DENND1A: variants seen among roughly 807,000 people sequenced by gnomAD.
The protein encoded by DENND1A is DENN domain-containing protein 1A.
DENND1A carries 51 observed loss-of-function variants against 113.7 expected under a neutral mutation model. That is an observed-to-expected ratio of 0.45 (90% CI 0.36 to 0.57). The LOEUF is 0.57. Among genes scored for constraint, DENND1A ranks in the 20% least tolerant of loss-of-function variants. DENND1A has a pLI of 0.00. For missense variants in DENND1A, 1,258 were observed against 1,395.9 expected, an observed-to-expected ratio of 0.90 and a Z score of 1.57; for synonymous variants, 565 against 570.8, an observed-to-expected ratio of 0.99 and a Z score of 0.14.
intron 3 of DENND1A, among the ~76,000 whole-genome samples, chr9:123,785,242 G>A (rs1831952364): frequency 6.6e-6 from 1 of 152,086 alleles, no homozygotes; most frequent in Non-Finnish European, 1.5e-5. Flanking sequence ...AGCTACTCGG[G>A]AGGCTGAGGT....
At chr9:123,901,898 C>T (rs964497374) in intron 1 of DENND1A, among the ~76,000 whole-genome samples, 3 of 151,862 alleles carry the variant, frequency 2.0e-5, no homozygotes, top group African/African-American at 4.8e-5. Flanking sequence ...CCCAGCTACT[C>T]GAGAGGCTGA....
At chr9:123,423,721 C>T (rs1176565692) in intron 19 of DENND1A, among the ~76,000 whole-genome samples, 1 of 152,168 alleles carries the variant, frequency 6.6e-6, no homozygotes, top group Non-Finnish European at 1.5e-5. Context: ...TACAGTACTT[C>T]TATTTCCATA....
chr9:123,665,492 G>A (rs1405746266), intron 8 of DENND1A, among the ~76,000 whole-genome samples: 1 of 152,110 alleles, frequency 6.6e-6, no homozygotes, highest in African/African-American at 2.4e-5. Flanking sequence ...ATACTACATG[G>A]ATATGCTTGA....
At chr9:123,879,490 G>A (rs141913376) in intron 1 of DENND1A, among the ~76,000 whole-genome samples, 115 of 152,196 alleles carry the variant, frequency 7.6e-4, no homozygotes, top group Admixed American at 1.3e-3. Context: ...CTAAGATCAC[G>A]CTACTGCACT....
intron 10 of DENND1A, among the ~76,000 whole-genome samples, chr9:123,610,857 A>G (rs2060386709): frequency 6.6e-6 from 1 of 152,240 alleles, no homozygotes; most frequent in South Asian, 2.1e-4. Flanking sequence ...CCTGAAAGCA[A>G]TGGATAGGCA....
rs1288507674 is a variant in DENND1A, at chr9:123,711,481, T to TTA, written c.303-34693_303-34692insTA. Among the ~76,000 whole-genome samples the TTA allele has an allele frequency of 1.5e-3, 137 of 89,002 alleles. 2 individuals carry two copies. The highest frequency in any genetic ancestry group is 0.013 in the East Asian group (48 of 3,686). 58.4% of individuals were successfully genotyped at this position (89,002 alleles called of 152,430 possible). ...GCTCCATCTCAAAATAATAATAAAT[T>TTA]AAAAAATATATATATATATATATGT... On this transcript the variant is annotated intron_variant, in intron 5 of 23. Coordinates refer to ENST00000394215, the MANE Select transcript of DENND1A (RefSeq NM_001352964.2).
rs2061285648 is a variant in DENND1A, at chr9:123,627,578, A to C, written c.719+2798T>G. ...AACAAGGGAAACTCCGTCTCTACTA[A>C]AATTACAAATAATTAGCCGAGTGTG... On this transcript the variant is annotated intron_variant, in intron 10 of 23. Coordinates refer to ENST00000394215, the MANE Select transcript of DENND1A (RefSeq NM_001352964.2). Among the ~76,000 whole-genome samples, 7 of 152,100 alleles carry C rather than the reference A, an allele frequency of 4.6e-5. 1 individual carries two copies. The South Asian group carries it at 1.2e-3, about 27-fold the overall frequency.
At chr9:123,588,799 C>T (rs1024297796) in intron 11 of DENND1A, among the ~76,000 whole-genome samples, 3 of 147,634 alleles carry the variant, frequency 2.0e-5, no homozygotes, top group African/African-American at 5.0e-5. Context: ...ATGGGAGTCT[C>T]GCTCTGTTGC....
intron 1 of DENND1A, among the ~76,000 whole-genome samples, chr9:123,914,794 A>T (rs1854786256): frequency 6.6e-6 from 1 of 152,012 alleles, no homozygotes; most frequent in Admixed American, 6.6e-5. Flanking sequence ...GCAAGAACTC[A>T]GTCATCACCA....
At chr9:123,662,355 A>G (rs1314449607) in intron 8 of DENND1A, among the ~76,000 whole-genome samples, 2 of 152,210 alleles carry the variant, frequency 1.3e-5, no homozygotes, top group Non-Finnish European at 2.9e-5. Context: ...TGAGGTCAGG[A>G]GTTCAAGACC....
intron 5 of DENND1A, among the ~76,000 whole-genome samples, chr9:123,731,993 G>A (rs1412495558): frequency 6.6e-6 from 1 of 152,100 alleles, no homozygotes; most frequent in East Asian, 1.9e-4. Flanking sequence ...TTAGGAAAAC[G>A]CAAATTAAAA....
intron 19 of DENND1A, chr9:123,414,323 T>C: frequency 7.1e-7 from 1 of 1,408,410 alleles, no homozygotes; most frequent in Non-Finnish European, 9.2e-7. Flanking sequence ...ACCATTACCA[T>C]CAGCAGGTTT....
intron 3 of DENND1A, among the ~76,000 whole-genome samples, chr9:123,779,329 C>T (rs1295468271): frequency 6.6e-6 from 1 of 152,218 alleles, no homozygotes; most frequent in African/African-American, 2.4e-5. Context: ...GGCCCCTTCT[C>T]AACTCCTTTC....
chr9:123,539,579 T>G (rs2056117868), intron 13 of DENND1A, among the ~76,000 whole-genome samples: 1 of 151,930 alleles, frequency 6.6e-6, no homozygotes, highest in Admixed American at 6.6e-5. Flanking sequence ...GATTCTAGGG[T>G]GGGCAGGAAA....
Position 123,929,897 on chromosome 9 carries a change from G to A in DENND1A, c.9C>T (p.Ser3=), listed in dbSNP as rs1451296240. The change falls in exon 1 of 24, where the codon TCC becomes TCT. Residue 3 remains serine (S), a synonymous_variant. Coordinates refer to ENST00000394215, the MANE Select transcript of DENND1A (RefSeq NM_001352964.2). MG[S]RIKQNPETTF... ...GGCCCGGCCGCACTCACTTGATCCTGGAGCCCATGGTCCCCAGGCCTCCTC... is the reference window on the plus strand; with the variant it reads ...GGCCCGGCCGCACTCACTTGATCCTAGAGCCCATGGTCCCCAGGCCTCCTC... 2 of 340,020 alleles carry A rather than the reference G, an allele frequency of 5.9e-6. No homozygotes were observed. Among genetic ancestry groups the A allele is most frequent in the Non-Finnish European group, 1.1e-5 (2 of 182,174 alleles). 21.1% of individuals were successfully genotyped at this position (340,020 alleles called of 1,614,324 possible).
intron 20 of DENND1A, chr9:123,411,365 C>G (rs2044295499): frequency 6.6e-6 from 1 of 152,222 alleles, no homozygotes. Flanking sequence ...AGCCTCCACC[C>G]CTGGGAAGGT....
intron 2 of DENND1A, 106 bp downstream of exon 2, chr9:123,878,845 A>T: frequency 8.9e-7 from 1 of 1,126,584 alleles, no homozygotes; most frequent in Non-Finnish European, 1.3e-6. Flanking sequence ...ACTTAAACAT[A>T]CTTAAAGACA....
At chr9:123,491,818 A>G (rs2051400137) in intron 13 of DENND1A, 1 of 152,270 alleles carries the variant, frequency 6.6e-6, no homozygotes. Context: ...GTCCCAAACC[A>G]AACTCCTTCT....
chr9:123,700,739 T>C (rs1285957546), intron 5 of DENND1A, among the ~76,000 whole-genome samples: 1 of 152,202 alleles, frequency 6.6e-6, no homozygotes, highest in African/African-American at 2.4e-5. Context: ...CCATCTATAC[T>C]AGTGTTTGAC....
Sources: allele counts gnomAD v4.1 joint callset (sites outside exome capture counted in the v4.1 genomes callset), GRCh38; gene constraint gnomAD v4.1.1; transcripts MANE v1.5; gene names NCBI Gene and HGNC (gene_info 2026-07-23, HGNC 2026-07-21).